Variants in SIDT1 observed in about 807,000 individuals in gnomAD.
SIDT1 encodes the protein SID1 transmembrane family member 1.
A neutral mutation model predicts 107.5 loss-of-function variants in SIDT1; 101 were observed. The ratio of observed to expected loss-of-function variants is 0.94; its 90% CI spans 0.80 to 1.11. The LOEUF is 1.11. SIDT1 is among the 50% of genes least tolerant of loss of function. The pLI is 0.00. For missense variants in SIDT1, 1,076 were observed against 1,058.2 expected (o/e 1.02, Z -0.23); for synonymous variants, 395 against 398.2 (o/e 0.99, Z 0.10).
At chr3:113,547,817 A>G (rs185484261) in intron 1 of SIDT1, among the ~76,000 whole-genome samples, 1 of 152,266 alleles carries the variant, frequency 6.6e-6, no homozygotes, top group Admixed American at 6.5e-5. Context: ...TTTTGGACCT[A>G]GCCTTCTACA....
intron 17 of SIDT1, among the ~76,000 whole-genome samples, chr3:113,609,304 G>T (rs757567299): frequency 1.4e-4 from 22 of 151,910 alleles, no homozygotes; most frequent in Non-Finnish European, 2.8e-4. Flanking sequence ...AACCTCAGGC[G>T]ATCCTCCTGC....
intron 1 of SIDT1, among the ~76,000 whole-genome samples, chr3:113,561,889 T>G (rs954159948): frequency 2.0e-5 from 3 of 152,152 alleles, no homozygotes; most frequent in Non-Finnish European, 4.4e-5. Flanking sequence ...AGGTTGCATC[T>G]TAGGTGAAAA....
intron 9 of SIDT1, among the ~76,000 whole-genome samples, chr3:113,590,500 G>T (rs551293138): frequency 6.6e-6 from 1 of 151,990 alleles, no homozygotes; most frequent in African/African-American, 2.4e-5. Context: ...CATAAAATTC[G>T]CCCCTTTAAA....
At chr3:113,636,635 C>T in the SIDT1 span, among the ~76,000 whole-genome samples, 3 of 152,286 alleles carry the variant, frequency 2.0e-5, 1 homozygote, top group South Asian at 6.2e-4. Context: ...ACAGCAGAAA[C>T]TTAGTTAAAA....
intron 1 of SIDT1, among the ~76,000 whole-genome samples, chr3:113,565,809 T>C (rs1941848194): frequency 6.6e-6 from 1 of 152,216 alleles, no homozygotes; most frequent in South Asian, 2.1e-4. Context: ...GGCCATCTGT[T>C]AGGCTTTAAT....
chr3:113,603,268 A>C, intron 12 of SIDT1, 118 bp downstream of exon 12: 2 of 1,062,240 alleles, frequency 1.9e-6, no homozygotes, highest in South Asian at 1.6e-5. Context: ...CAAATTTCCC[A>C]GAAGACTTAA....
intron 14 of SIDT1, 49 bp downstream of exon 14, chr3:113,605,025 A>T: frequency 6.3e-7 from 1 of 1,594,120 alleles, no homozygotes; most frequent in Non-Finnish European, 8.6e-7. Context: ...TTCTTTCTGC[A>T]GGGAGAGTCT....
rs1227178605 is a variant in SIDT1 at position 113,594,141 on chromosome 3, A to G, written c.1045+1093A>G. ...TTAGAAAGACTTTAACTCACCCCCT[A>G]CCCCCCTCCAGCAGGATCATTGCTC... On this transcript the variant is annotated intron_variant, in intron 10 of 24. Coordinates refer to ENST00000264852, the MANE Select transcript of SIDT1 (RefSeq NM_017699.3). Among the ~76,000 whole-genome samples the G allele has an allele frequency of 8.0e-5, 12 of 150,694 alleles. 1 individual carries two copies. The highest frequency in any genetic ancestry group is 7.9e-4 in the Admixed American group (12 of 15,138).
chr3:113,625,293 T>G (rs1183249143), intron 23 of SIDT1, among the ~76,000 whole-genome samples: 1 of 151,954 alleles, frequency 6.6e-6, no homozygotes, highest in Non-Finnish European at 1.5e-5. Context: ...CCCACCACCG[T>G]GCCCAGCTAA....
Position 113,580,732 on chromosome 3 carries a change from C to A in SIDT1, c.663+23C>A, listed in dbSNP as rs113876459. ...ATGGTGAGTGCTGATAACTTGCCAA[C>A]CTTCTACTATAGAGCATTATATTAT... On this transcript the variant is annotated intron_variant, in intron 5 of 24. Transcript: ENST00000264852. The A allele has an allele frequency of 6.7e-4, 927 of 1,384,218 alleles. 3 individuals carry two copies. In the African/African-American group the frequency reaches 0.011, roughly 16 times the overall value. 85.7% of individuals were successfully genotyped at this position (1,384,218 alleles called of 1,614,324 possible).
intron 1 of SIDT1, among the ~76,000 whole-genome samples, chr3:113,549,950 T>C (rs1392197935): frequency 6.6e-6 from 1 of 152,190 alleles, no homozygotes; most frequent in Non-Finnish European, 1.5e-5. Flanking sequence ...TGGGAGGGAT[T>C]TTTTTGCATA....
intron 9 of SIDT1, chr3:113,588,812 T>TAAAA (rs57043380): frequency 7.2e-6 from 1 of 139,712 alleles, no homozygotes; most frequent in Non-Finnish European, 1.6e-5. Flanking sequence ...AATGCTACAT[T>TAAAA]AAAAAAAAAA....
chr3:113,580,525 C>T (rs1054044515), intron 4 of SIDT1, 83 bp from the exon 5 acceptor site: 11 of 798,366 alleles, frequency 1.4e-5, no homozygotes, highest in East Asian at 2.4e-5. Flanking sequence ...CGGAGATTTA[C>T]GTATAAATTT....
At chr3:113,607,583 TG>T (rs1225612493) in intron 15 of SIDT1, among the ~76,000 whole-genome samples, 1 of 152,248 alleles carries the variant, frequency 6.6e-6, no homozygotes, top group African/African-American at 2.4e-5. Context: ...CTTGGTGACG[TG>T]GAAGAAGCAT....
At position 113,564,883 on chromosome 3, in the gene SIDT1, G is replaced by A. The variant is rs190683984; in HGVS notation, c.223-1537G>A. Among the ~76,000 whole-genome samples the A allele has an allele frequency of 3.2e-3, 482 of 152,260 alleles. 2 individuals carry two copies. The highest frequency in any genetic ancestry group is 5.5e-3 in the Non-Finnish European group (373 of 68,022). ...TAGGCACAAGAAAACTCTCCCTTCA[G>A]GGCAAGCACTTCCTATCAAATTAGT... On this transcript the variant is annotated intron_variant, in intron 1 of 24. Coordinates refer to ENST00000264852, the MANE Select transcript of SIDT1 (RefSeq NM_017699.3).
chr3:113,590,167 T>C (rs1368686407), intron 9 of SIDT1: 1 of 152,164 alleles, frequency 6.6e-6, no homozygotes, highest in East Asian at 1.9e-4. Flanking sequence ...CATGTAAGGA[T>C]CTGGGGAGAG....
At chr3:113,596,898 A>G (rs1345496607) in intron 10 of SIDT1, among the ~76,000 whole-genome samples, 1 of 152,194 alleles carries the variant, frequency 6.6e-6, no homozygotes, top group African/African-American at 2.4e-5. Context: ...GGCCAACCCA[A>G]TCCTTCCCTG....
intron 8 of SIDT1, 138 bp downstream of exon 8, chr3:113,584,907 G>T: frequency 1.5e-6 from 1 of 689,140 alleles, no homozygotes; most frequent in East Asian, 2.7e-5. Flanking sequence ...ATAGAAAAGG[G>T]AGTCAGAGCA....
At chr3:113,599,074 C>T (rs757620199) in intron 10 of SIDT1, among the ~76,000 whole-genome samples, 13 of 152,126 alleles carry the variant, frequency 8.5e-5, no homozygotes, top group African/African-American at 2.2e-4. Flanking sequence ...GGCTACAGTG[C>T]GCCATGATTG....
Sources: gnomAD v4.1 joint callset for allele counts (sites outside exome capture counted in the v4.1 genomes callset) on GRCh38, gnomAD v4.1.1 for gene constraint, MANE v1.5 for transcripts, NCBI Gene and HGNC (gene_info 2026-07-23, HGNC 2026-07-21) for gene names.